Variants in MGAM observed in about 807,000 individuals in gnomAD.
MGAM encodes maltase-glucoamylase, also known as alpha-1,4-glucosidase.
In MGAM, 253 loss-of-function variants were observed where a neutral mutation model predicts 358.8. The ratio of observed to expected loss-of-function variants is 0.71; its 90% CI spans 0.64 to 0.78. The LOEUF (loss-of-function observed/expected upper bound fraction) is 0.78, where lower values mean the gene tolerates loss of function less well. Ranked by LOEUF, MGAM falls within the 30% of genes least tolerant of loss-of-function variation. The probability of loss-of-function intolerance (pLI) is 0.00; values close to 1 mark genes in which losing one functional copy is unlikely to be tolerated. For missense variants in MGAM, 3,080 were observed against 3,432.6 expected (o/e 0.90, Z 2.57); for synonymous variants, 1,105 against 1,227.1 (o/e 0.90, Z 2.08).
intron 7 of MGAM, among the ~76,000 whole-genome samples, chr7:142,024,177 C>T (rs537142962): frequency 3.0e-4 from 46 of 151,918 alleles, no homozygotes; most frequent in African/African-American, 1.0e-3. Context: ...TGCAGTGAAC[C>T]GAGATTGAGC....
At position 142,018,527 on chromosome 7, in the gene MGAM, C is replaced by CT. The variant is rs1240027153; in HGVS notation, c.328-666dup. Among the ~76,000 whole-genome samples the CT allele has an allele frequency of 3.9e-5, 6 of 152,164 alleles. No individual in the cohort carries two copies. In the East Asian group the frequency reaches 5.8e-4, roughly 15 times the overall value. On this transcript the variant is annotated intron_variant, in intron 3 of 70. Coordinates refer to ENST00000475668, the MANE Select transcript of MGAM (RefSeq NM_001365693.1). Reference sequence around the variant, plus strand: ...ACTCAAGAGGAGAGAGTTCTTTGTCCTTTTTTGTATTTAACTTGGTTGCTT... The same window carrying CT: ...ACTCAAGAGGAGAGAGTTCTTTGTCCTTTTTTTGTATTTAACTTGGTTGCTT...
chr7:142,092,636 C>T lies in MGAM; in HGVS notation c.7033+28C>T, dbSNP rs981464224. On this transcript the variant is annotated intron_variant, in intron 59 of 70. Transcript: ENST00000475668. ...AAGAATCCTTGGCCTTCTTGATTGG[C>T]AGAGCCATGATTGAAAGAAGGATTA... 7 of 1,495,240 alleles carry T rather than the reference C, an allele frequency of 4.7e-6. 1 individual carries two copies. Among genetic ancestry groups the T allele is most frequent in the Admixed American group, 3.8e-5 (2 of 52,880 alleles). The allele number at this position is 1,495,240 out of a possible 1,614,324, so 92.6% of individuals were successfully genotyped here. A position where few individuals can be genotyped will look rare whatever the true frequency, so the allele number is the denominator to read the frequency against.
intron 21 of MGAM, among the ~76,000 whole-genome samples, chr7:142,045,252 AT>A (rs1563157128): frequency 3.1e-5 from 2 of 64,204 alleles, no homozygotes; most frequent in African/African-American, 9.5e-5. Context: ...ATAATATATG[AT>A]ATATAATATA....
chr7:142,005,834 G>A (rs943599724), intron 2 of MGAM, among the ~76,000 whole-genome samples, 177 bp downstream of exon 2: 1 of 151,918 alleles, frequency 6.6e-6, no homozygotes, highest in East Asian at 1.9e-4. Flanking sequence ...GTAGGTTTAA[G>A]TTCTGATACT....
At chr7:142,009,444 C>T (rs1239139701) in intron 3 of MGAM, among the ~76,000 whole-genome samples, 1 of 152,030 alleles carries the variant, frequency 6.6e-6, no homozygotes, top group Non-Finnish European at 1.5e-5. Flanking sequence ...CTCAATAGCT[C>T]ACTCAAGCTG....
chr7:142,061,716 G>T (rs1812223438), intron 34 of MGAM, among the ~76,000 whole-genome samples: 1 of 152,118 alleles, frequency 6.6e-6, no homozygotes, highest in South Asian at 2.1e-4. Flanking sequence ...ACAAACAAAG[G>T]ACTGTAATGT....
rs1275553015 is a variant in MGAM, at chr7:142,082,084, T to C, written c.6045T>C (p.Phe2015=). The change falls in exon 51 of 71, where the codon TTT becomes TTC. Residue 2015 remains phenylalanine (F), a synonymous_variant. Transcript: ENST00000475668. ...QLLGFTFNDM[F]IRISTRLPSK... ...TTGGCTTCACCTTCAATGACATGTTTATCCGCATCTCCACCCGCCTTCCCT... is the reference window on the plus strand; with the variant it reads ...TTGGCTTCACCTTCAATGACATGTTCATCCGCATCTCCACCCGCCTTCCCT... 1.3e-6 allele frequency: 2 copies of C among 1,556,026 alleles called. No individual in the cohort carries two copies. The highest frequency in any genetic ancestry group is 4.6e-5 in the East Asian group (2 of 43,954).
chr7:142,062,423 G>T lies in MGAM; in HGVS notation c.4123-145G>T, dbSNP rs772422354. The T allele has an allele frequency of 7.9e-5, 86 of 1,091,958 alleles. 1 individual carries two copies. Among genetic ancestry groups the T allele is most frequent in the South Asian group, 1.8e-4 (10 of 54,154 alleles). The allele number at this position is 1,091,958 out of a possible 1,614,324, so 67.6% of individuals were successfully genotyped here. On this transcript the variant is annotated intron_variant, in intron 34 of 70. Transcript: ENST00000475668. ...CTCCTCTCATTCTACATTTCTCTAA[G>T]AAGTTAATAACATTATTTAGGCCCT...
intron 23 of MGAM, 48 bp downstream of exon 23, chr7:142,050,332 C>T (rs147875130): frequency 6.4e-7 from 1 of 1,566,874 alleles, no homozygotes. Context: ...TTGGACTGAC[C>T]ATTAGCACAT....
chr7:141,997,651 G>A (rs1457537775), intron 1 of MGAM, among the ~76,000 whole-genome samples: 1 of 152,084 alleles, frequency 6.6e-6, no homozygotes, highest in African/African-American at 2.4e-5. Flanking sequence ...GTCTCCTAGA[G>A]ATGATCCTTT....
Position 142,030,719 on chromosome 7 carries a change from G to A in MGAM, c.1432G>A (p.Val478Met), listed in dbSNP as rs1554463195. 2.5e-6 allele frequency: 4 copies of A among 1,612,442 alleles called. No homozygotes were observed. The highest frequency in any genetic ancestry group is 2.2e-5 in the East Asian group (1 of 44,872). The part of the protein sequence containing the change: ...YDRGSDMKIW[V>M]NSSDGVTPLI... ...CAGGGGTTCAGATATGAAGATATGG[G>A]TGAATAGTTCAGATGGAGTGACTCC... The change falls in exon 12 of 71, where the codon GTG becomes ATG. Residue 478 changes from valine to methionine, a missense_variant. Transcript: ENST00000475668.
In MGAM at chr7:142,052,492, A is replaced by T. The variant is rs571016568; in HGVS notation, c.2958+46A>T. 1.1e-4 allele frequency: 179 copies of T among 1,605,562 alleles called. 4 individuals carry two copies. In the South Asian group the frequency reaches 1.9e-3, roughly 17 times the overall value. On this transcript the variant is annotated intron_variant, in intron 25 of 70. Coordinates refer to ENST00000475668, the MANE Select transcript of MGAM (RefSeq NM_001365693.1). ...TGTGTGCATGAGAATCTCCACACCT[A>T]ATCTGTAGTTTCTTAAGCATAGCAG...
intron 13 of MGAM, among the ~76,000 whole-genome samples, chr7:142,032,567 AC>A (rs1807605373): frequency 6.6e-6 from 1 of 152,094 alleles, no homozygotes; most frequent in African/African-American, 2.4e-5. Flanking sequence ...ATAAATTGAA[AC>A]TTTTTTCACC....
intron 69 of MGAM, among the ~76,000 whole-genome samples, chr7:142,103,013 T>G (rs1400297130): frequency 6.6e-6 from 1 of 152,202 alleles, no homozygotes; most frequent in African/African-American, 2.4e-5. Context: ...TATAAGTATC[T>G]TAACAGCTGA....
intron 21 of MGAM, among the ~76,000 whole-genome samples, chr7:142,041,960 T>A (rs866969073): frequency 0.16 from 4,070 of 25,408 alleles, 788 homozygotes; most frequent in African/African-American, 0.37. Context: ...ATATATATAA[T>A]ATATATATAT....
intron 21 of MGAM, among the ~76,000 whole-genome samples, chr7:142,043,582 T>G (rs560587813): frequency 0.011 from 748 of 66,474 alleles, 178 homozygotes; most frequent in Non-Finnish European, 0.018. Flanking sequence ...ATATGATATC[T>G]AAATATATAA....
At chr7:142,024,122 G>A (rs1201483274) in intron 7 of MGAM, among the ~76,000 whole-genome samples, 2 of 151,956 alleles carry the variant, frequency 1.3e-5, no homozygotes, top group African/African-American at 2.4e-5. Context: ...CCAGCTACTT[G>A]GGAGGCTGAG....
chr7:142,052,569 G>A, intron 25 of MGAM, 123 bp downstream of exon 25: 1 of 1,388,590 alleles, frequency 7.2e-7, no homozygotes, highest in Non-Finnish European at 9.7e-7. Flanking sequence ...CTAAGGGACA[G>A]GATCTAGATG....
chr7:142,009,976 C>T (rs1048298501), intron 3 of MGAM, among the ~76,000 whole-genome samples: 13 of 152,058 alleles, frequency 8.5e-5, no homozygotes, highest in South Asian at 2.1e-4. Flanking sequence ...GTTCTGGTGT[C>T]GAAACCATTG....
Sources: gnomAD v4.1 joint callset for allele counts (sites outside exome capture counted in the v4.1 genomes callset) on GRCh38, gnomAD v4.1.1 for gene constraint, MANE v1.5 for transcripts, NCBI Gene and HGNC (gene_info 2026-07-23, HGNC 2026-07-21) for gene names.